UNC5C: variants seen among roughly 807,000 people sequenced by gnomAD.
UNC5C encodes unc-5 netrin receptor C.
A neutral mutation model predicts 99.8 loss-of-function variants in UNC5C; 47 were observed. The observed-to-expected ratio is 0.47, with a 90% CI of 0.37 to 0.60. The LOEUF is 0.60. Ranked by LOEUF, UNC5C falls within the 20% of genes least tolerant of loss-of-function variation. The probability of loss-of-function intolerance (pLI) is 0.00; values close to 1 mark genes in which losing one functional copy is unlikely to be tolerated. For missense variants in UNC5C, 1,062 were observed against 1,165.9 expected (o/e 0.91, Z 1.30); for synonymous variants, 487 against 452.2 (o/e 1.08, Z -0.98).
intron 3 of UNC5C, among the ~76,000 whole-genome samples, chr4:95,292,945 T>C (rs899478118): frequency 1.3e-5 from 2 of 152,174 alleles, no homozygotes; most frequent in African/African-American, 4.8e-5. Flanking sequence ...GTATGGCAGA[T>C]GGTTAACTCA....
chr4:95,275,863 A>G (rs956601967), intron 4 of UNC5C, among the ~76,000 whole-genome samples: 2 of 152,172 alleles, frequency 1.3e-5, no homozygotes, highest in African/African-American at 4.8e-5. Context: ...TCTTGGAATC[A>G]TTTGCCTTGG....
At chr4:95,455,530 C>T (rs527729231) in intron 1 of UNC5C, among the ~76,000 whole-genome samples, 1 of 152,012 alleles carries the variant, frequency 6.6e-6, no homozygotes, top group Admixed American at 6.6e-5. Context: ...AGAGGTTAGG[C>T]TGGAGGATTG....
Position 95,397,450 on chromosome 4 carries a change from C to G in UNC5C, c.125-61819G>C, listed in dbSNP as rs901058917. Among the ~76,000 whole-genome samples, 3 of 152,142 alleles carry G rather than the reference C, an allele frequency of 2.0e-5. No individual in the cohort carries two copies. In the South Asian group the frequency reaches 6.2e-4, roughly 31 times the overall value. ...AGTTAGTAAGAAAACACTCAGGCATCTAAAGGATTTAGTTAATTCTCCCCT... is the reference window on the plus strand; with the variant it reads ...AGTTAGTAAGAAAACACTCAGGCATGTAAAGGATTTAGTTAATTCTCCCCT... On this transcript the variant is annotated intron_variant, in intron 1 of 15. Coordinates refer to ENST00000453304, the MANE Select transcript of UNC5C (RefSeq NM_003728.4).
At chr4:95,546,811 C>T (rs967511137) in intron 1 of UNC5C, among the ~76,000 whole-genome samples, 3 of 152,104 alleles carry the variant, frequency 2.0e-5, no homozygotes, top group Admixed American at 2.0e-4. Context: ...GATCCTTTTT[C>T]TACCCAGTCT....
chr4:95,219,253 TAGAC>T lies in UNC5C; in HGVS notation c.1357_1360del (p.Val453MetfsTer12). On this transcript the variant is annotated frameshift_variant, in exon 9 of 16. Transcript: ENST00000453304. LOFTEE classifies it high-confidence loss of function. ...TTTGTCTGAGACGTCATGCAGGGCA[TAGAC>T]AGGTCCTCTGTACATGGCTGCAGCT... 6.2e-7 allele frequency: 1 copy of T among 1,614,152 alleles called. No individual in the cohort carries two copies. The highest frequency in any genetic ancestry group is 8.5e-7 in the Non-Finnish European group (1 of 1,180,012).
chr4:95,502,901 T>A lies in UNC5C; in HGVS notation c.124+45833A>T, dbSNP rs770228221. Reference sequence around the variant, plus strand: ...CGCACAGATATCACATCCAAGATTATTCAAATGATGTTATCCTGGACTCTG... The same window carrying A: ...CGCACAGATATCACATCCAAGATTAATCAAATGATGTTATCCTGGACTCTG... On this transcript the variant is annotated intron_variant, in intron 1 of 15. Coordinates refer to ENST00000453304, the MANE Select transcript of UNC5C (RefSeq NM_003728.4). Among the ~76,000 whole-genome samples the A allele has an allele frequency of 3.0e-4, 46 of 152,204 alleles. 1 individual carries two copies. The highest frequency in any genetic ancestry group is 2.2e-4 in the Non-Finnish European group (15 of 68,032).
Position 95,301,735 on chromosome 4 carries a change from C to T in UNC5C, c.361G>A (p.Glu121Lys). 1 of 1,612,820 alleles carries T rather than the reference C, an allele frequency of 6.2e-7. No individual in the cohort carries two copies. The highest frequency in any genetic ancestry group is 8.5e-7 in the Non-Finnish European group (1 of 1,179,996). Residue 121 changes from glutamate (E) to lysine (K), a missense_variant, in exon 3 of 16, where the codon GAA (glutamate) becomes AAA (lysine). By Grantham distance (56) the Glu-to-Lys change is moderately conservative. Transcript: ENST00000453304. ...TGGCGCGAAATCTCAATGCTCACTT[C>T]CCGGACAATGAGACCTGACAAGAGA... Reference protein sequence around the residue: ...VDETSGLIVREVSIEISRQQV... With the variant: ...VDETSGLIVRKVSIEISRQQV...
chr4:95,214,606 A>G (rs1738184411), intron 10 of UNC5C, among the ~76,000 whole-genome samples: 1 of 152,256 alleles, frequency 6.6e-6, no homozygotes, highest in African/African-American at 2.4e-5. Flanking sequence ...TGCCTGCAGC[A>G]GCCCCTTAAG....
intron 7 of UNC5C, among the ~76,000 whole-genome samples, chr4:95,235,146 T>C (rs190156430): frequency 1.5e-3 from 230 of 152,310 alleles, no homozygotes; most frequent in Non-Finnish European, 2.0e-3. Flanking sequence ...TTTTTGGTAA[T>C]CTAATTTGAA....
chr4:95,446,656 TG>T (rs1483681503), intron 1 of UNC5C, among the ~76,000 whole-genome samples: 1 of 152,220 alleles, frequency 6.6e-6, no homozygotes, highest in African/African-American at 2.4e-5. Context: ...TCAGGTTCAC[TG>T]GCACACAACA....
In UNC5C at chr4:95,250,468, AC is replaced by A; in HGVS notation, c.775+18del. 6.2e-7 allele frequency: 1 copy of A among 1,609,306 alleles called. No homozygotes were observed. The highest frequency in any genetic ancestry group is 8.5e-7 in the Non-Finnish European group (1 of 1,178,140). On this transcript the variant is annotated intron_variant, in intron 5 of 15. Transcript: ENST00000453304. Reference sequence around the variant, plus strand: ...GCAGTTAAACATGAACTAGATTGAGACCCTGAAGGGCCACTCACCATAGACT... The same window carrying A: ...GCAGTTAAACATGAACTAGATTGAGACCTGAAGGGCCACTCACCATAGACT...
intron 1 of UNC5C, among the ~76,000 whole-genome samples, chr4:95,374,943 T>C (rs1744851376): frequency 6.6e-6 from 1 of 152,230 alleles, no homozygotes; most frequent in Non-Finnish European, 1.5e-5. Context: ...CAGGTTGAAC[T>C]ATAATGCTGA....
chr4:95,333,186 G>A (rs373210876), intron 2 of UNC5C, among the ~76,000 whole-genome samples: 11 of 151,982 alleles, frequency 7.2e-5, no homozygotes, highest in South Asian at 4.2e-4. Flanking sequence ...ATCTAGAACT[G>A]GAAATACCAT....
chr4:95,301,529 G>A, intron 3 of UNC5C, 77 bp downstream of exon 3: 1 of 1,590,250 alleles, frequency 6.3e-7, no homozygotes, highest in East Asian at 2.2e-5. Flanking sequence ...CTTTGGTGCT[G>A]GAGTAGTCAC....
At chr4:95,375,019 TA>T (rs1163674478) in intron 1 of UNC5C, among the ~76,000 whole-genome samples, 2 of 152,130 alleles carry the variant, frequency 1.3e-5, no homozygotes, top group African/African-American at 4.8e-5. Context: ...TAGGTTAGAG[TA>T]ACATGTAGTA....
At chr4:95,499,823 G>A (rs772078971) in intron 1 of UNC5C, among the ~76,000 whole-genome samples, 2 of 152,058 alleles carry the variant, frequency 1.3e-5, no homozygotes, top group African/African-American at 2.4e-5. Context: ...TAAGATGGGA[G>A]CACTGGGGAG....
intron 1 of UNC5C, among the ~76,000 whole-genome samples, chr4:95,499,886 G>A (rs1397292454): frequency 6.6e-6 from 1 of 152,066 alleles, no homozygotes; most frequent in Non-Finnish European, 1.5e-5. Flanking sequence ...AACAAAAAAG[G>A]ATAGGCTGTG....
intron 4 of UNC5C, among the ~76,000 whole-genome samples, chr4:95,277,126 CT>C (rs149621250): frequency 0.076 from 11,587 of 152,122 alleles, 681 homozygotes; most frequent in East Asian, 0.22. Flanking sequence ...TTATTAATTG[CT>C]TTATGGACTA....
intron 1 of UNC5C, among the ~76,000 whole-genome samples, chr4:95,355,531 G>A (rs1744148976): frequency 6.6e-6 from 1 of 151,990 alleles, no homozygotes; most frequent in African/African-American, 2.4e-5. Flanking sequence ...ATCTCCCCCT[G>A]CTACCAGTGC....
Sources: allele counts gnomAD v4.1 joint callset (sites outside exome capture counted in the v4.1 genomes callset), GRCh38; gene constraint gnomAD v4.1.1; transcripts MANE v1.5; gene names NCBI Gene and HGNC (gene_info 2026-07-23, HGNC 2026-07-21).